The following IQUB variants were observed in gnomAD, a reference collection of about 807,000 sequenced individuals.
IQUB encodes the protein IQ motif and ubiquitin domain containing.
In IQUB, 86 loss-of-function variants were observed where a neutral mutation model predicts 86.4. The observed-to-expected ratio is 1.00, with a 90% CI of 0.84 to 1.19. The LOEUF (loss-of-function observed/expected upper bound fraction) is 1.19, where lower values mean the gene tolerates loss of function less well. IQUB is among the 50% of genes most tolerant of loss of function. IQUB has a pLI of 0.00. For missense variants in IQUB, 946 were observed against 916.9 expected, an observed-to-expected ratio of 1.03 and a Z score of -0.41; for synonymous variants, 289 against 304.5, an observed-to-expected ratio of 0.95 and a Z score of 0.53.
chr7:123,498,280 C>A (rs56408669), intron 6 of IQUB, among the ~76,000 whole-genome samples: 3 of 151,842 alleles, frequency 2.0e-5, no homozygotes, highest in African/African-American at 7.3e-5. Flanking sequence ...ATCAGAAACT[C>A]CTGGGTAAGC....
At chr7:123,498,594 C>T (rs1795807308) in intron 6 of IQUB, among the ~76,000 whole-genome samples, 1 of 152,112 alleles carries the variant, frequency 6.6e-6, no homozygotes, top group South Asian at 2.1e-4. Context: ...AGTTTTTTCC[C>T]TTTCACATGA....
At chr7:123,489,252 C>T (rs1205595612) in intron 7 of IQUB, among the ~76,000 whole-genome samples, 1 of 152,080 alleles carries the variant, frequency 6.6e-6, no homozygotes, top group Non-Finnish European at 1.5e-5. Flanking sequence ...TACACTTAAG[C>T]CTTGGCATAA....
intron 1 of IQUB, among the ~76,000 whole-genome samples, chr7:123,528,040 G>A (rs1013254169): frequency 2.6e-5 from 4 of 152,200 alleles, no homozygotes; most frequent in East Asian, 1.9e-4. Flanking sequence ...TAAGCCTGTC[G>A]GAAAAGCGCA....
Position 123,452,856 on chromosome 7 carries a change from C to G in IQUB, c.2263G>C (p.Val755Leu), listed in dbSNP as rs868082306. 1.2e-6 allele frequency: 2 copies of G among 1,613,498 alleles called. No individual in the cohort carries two copies. The highest frequency in any genetic ancestry group is 1.1e-5 in the South Asian group (1 of 91,032). The stretch of plus-strand genomic sequence containing the variant: ...AGTATAAATGAAGCCAGCACTGGAA[C>G]CTGAGAAAAATAGTTCTTAGCCAGG... ...HILAKNYFSQ[V>L]PVLASFILDD... The change falls in exon 13 of 13, where the codon GTT becomes CTT. Residue 755 changes from valine (V) to leucine (L), a missense_variant. Val to Leu is a conservative substitution (Grantham distance 32). Coordinates refer to ENST00000324698, the MANE Select transcript of IQUB (RefSeq NM_178827.5).
intron 7 of IQUB, among the ~76,000 whole-genome samples, chr7:123,491,758 A>G (rs1016133238): frequency 5.9e-5 from 9 of 152,324 alleles, no homozygotes; most frequent in African/African-American, 2.2e-4. Context: ...CATTTTATGA[A>G]GAGATCCTAC....
At chr7:123,496,661 A>T (rs777347221) in intron 7 of IQUB, 35 bp downstream of exon 7, 2 of 1,272,354 alleles carry the variant, frequency 1.6e-6, no homozygotes, top group African/African-American at 1.5e-5. Flanking sequence ...TGAAGAATTT[A>T]AAAATATTTT....
chr7:123,491,302 A>G lies in IQUB; in HGVS notation c.1234+5394T>C, dbSNP rs1002402449. 6.2e-4 allele frequency among the ~76,000 whole-genome samples: 95 copies of G among 152,166 alleles called. 1 individual carries two copies. Among genetic ancestry groups the G allele is most frequent in the African/African-American group, 2.2e-3 (92 of 41,434 alleles). On this transcript the variant is annotated intron_variant, in intron 7 of 12. Coordinates refer to ENST00000324698, the MANE Select transcript of IQUB (RefSeq NM_178827.5). ...AAATCAAATGACCTCAGCTTCCACC[A>G]CAGGACTAGAAGAGGAGTAAACTGA...
At chr7:123,479,046 G>A (rs1300298872) in intron 8 of IQUB, among the ~76,000 whole-genome samples, 1 of 152,024 alleles carries the variant, frequency 6.6e-6, no homozygotes, top group Non-Finnish European at 1.5e-5. Context: ...AGGGCATTTA[G>A]AATATCAAAA....
At chr7:123,479,417 G>C (rs1436042799) in intron 8 of IQUB, among the ~76,000 whole-genome samples, 1 of 152,038 alleles carries the variant, frequency 6.6e-6, no homozygotes, top group Non-Finnish European at 1.5e-5. Flanking sequence ...CTTACCATCA[G>C]AGCACCCCAG....
chr7:123,496,645 T>A (rs1562857166), intron 7 of IQUB, 51 bp downstream of exon 7: 2 of 1,099,576 alleles, frequency 1.8e-6, no homozygotes, highest in African/African-American at 3.2e-5. Context: ...CTGTTTTTCC[T>A]ATTAATGAAG....
At chr7:123,502,787 C>A (rs779441752) in intron 5 of IQUB, 35 bp from the exon 6 acceptor site, 3 of 1,493,800 alleles carry the variant, frequency 2.0e-6, no homozygotes, top group Admixed American at 2.1e-5. Flanking sequence ...AATCAGTATC[C>A]CCTATATATA....
At chr7:123,482,771 A>G (rs898998161) in intron 7 of IQUB, among the ~76,000 whole-genome samples, 8 of 152,114 alleles carry the variant, frequency 5.3e-5, no homozygotes, top group African/African-American at 1.2e-4. Flanking sequence ...CTGAAAGAGC[A>G]TGTCTTCTGG....
chr7:123,490,051 T>C (rs1190796622), intron 7 of IQUB, among the ~76,000 whole-genome samples: 5 of 151,934 alleles, frequency 3.3e-5, no homozygotes, highest in Non-Finnish European at 4.4e-5. Context: ...ACCATATTAA[T>C]AATCACATTA....
intron 1 of IQUB, among the ~76,000 whole-genome samples, chr7:123,514,539 T>C (rs556039587): frequency 2.6e-5 from 4 of 152,086 alleles, no homozygotes; most frequent in South Asian, 4.1e-4. Flanking sequence ...TAATATATAA[T>C]TGAGAAGGGA....
Position 123,470,588 on chromosome 7 carries a change from C to T in IQUB, c.1411-1204G>A, listed in dbSNP as rs199897987. 1.9e-4 allele frequency among the ~76,000 whole-genome samples: 29 copies of T among 152,258 alleles called. No homozygotes were observed. In the East Asian group the frequency reaches 5.4e-3, roughly 29 times the overall value. Reference sequence around the variant, plus strand: ...ACAGTAGGCTGGGTGCAGTGGCTCACGCCTGTAATCCCAGCCACTTTGGGA... The same window carrying T: ...ACAGTAGGCTGGGTGCAGTGGCTCATGCCTGTAATCCCAGCCACTTTGGGA... On this transcript the variant is annotated intron_variant, in intron 8 of 12. Coordinates refer to ENST00000324698, the MANE Select transcript of IQUB (RefSeq NM_178827.5).
At chr7:123,493,853 T>C (rs529516754) in intron 7 of IQUB, among the ~76,000 whole-genome samples, 167 of 149,718 alleles carry the variant, frequency 1.1e-3, no homozygotes, top group Admixed American at 0.01. Flanking sequence ...TATACACATA[T>C]TTGCCAAAAA....
rs371332386 is a variant in IQUB, at chr7:123,512,112, G to T, written c.229C>A (p.Gln77Lys). 6.2e-7 allele frequency: 1 copy of T among 1,614,012 alleles called. No homozygotes were observed. The highest frequency in any genetic ancestry group is 1.3e-5 in the African/African-American group (1 of 75,028). ...SFSSLEPDNEQLMEEVISPRQ... is the reference protein window; with the variant it reads ...SFSSLEPDNEKLMEEVISPRQ... ...GGTGATATAACCTCTTCCATGAGTT[G>T]TTCATTGTCTGGTTCCAGGCTTGAA... is the stretch of plus-strand genomic sequence containing the variant. Residue 77 changes from glutamine to lysine, a missense_variant, in exon 2 of 13, where the codon CAA becomes AAA. Transcript: ENST00000324698.
At position 123,477,621 on chromosome 7, in the gene IQUB, C is replaced by T. The variant is rs373493727; in HGVS notation, c.1410+2174G>A. ...CTAATTAAACTAAAGAGCTTCTGCACAGCAAAAGAAACTACCATCAGTGTG... is the reference window on the plus strand; with the variant it reads ...CTAATTAAACTAAAGAGCTTCTGCATAGCAAAAGAAACTACCATCAGTGTG... On this transcript the variant is annotated intron_variant, in intron 8 of 12. Coordinates refer to ENST00000324698, the MANE Select transcript of IQUB (RefSeq NM_178827.5). Among the ~76,000 whole-genome samples the T allele has an allele frequency of 2.0e-4, 31 of 152,250 alleles. 2 individuals carry two copies. The East Asian group carries it at 3.7e-3, about 18-fold the overall frequency.
intron 8 of IQUB, among the ~76,000 whole-genome samples, chr7:123,475,373 C>CTTTTT (rs35957699): frequency 1.3e-3 from 118 of 92,910 alleles, no homozygotes; most frequent in African/African-American, 4.2e-3. Flanking sequence ...CTCCATTTCA[C>CTTTTT]TTTTTTTTTT....
Sources: allele counts gnomAD v4.1 joint callset (sites outside exome capture counted in the v4.1 genomes callset), GRCh38; gene constraint gnomAD v4.1.1; transcripts MANE v1.5; gene names NCBI Gene and HGNC (gene_info 2026-07-23, HGNC 2026-07-21).